Variants in ZFHX3 observed in about 807,000 individuals in gnomAD.
ZFHX3 encodes the protein zinc finger homeobox protein 3.
In ZFHX3, 42 loss-of-function variants were observed where a neutral mutation model predicts 279.1. The ratio of observed to expected loss-of-function variants is 0.15; its 90% confidence interval spans 0.12 to 0.19. The LOEUF (loss-of-function observed/expected upper bound fraction) is 0.19. ZFHX3 is among the 10% of genes least tolerant of loss of function. The probability of loss-of-function intolerance (pLI) is 1.00; values close to 1 mark genes in which losing one functional copy is unlikely to be tolerated. For missense variants in ZFHX3, 4,981 were observed against 4,754.0 expected, an observed-to-expected ratio of 1.05 and a Z score of -1.40; for synonymous variants, 2,293 against 1,957.8, an observed-to-expected ratio of 1.17 and a Z score of -4.52.
At position 72,958,683 on chromosome 16, in the gene ZFHX3, T is replaced by C; in HGVS notation, c.1463A>G (p.Asp488Gly). 2 of 1,610,600 alleles carry C rather than the reference T, an allele frequency of 1.2e-6. No homozygotes were observed. Among genetic ancestry groups the C allele is most frequent in the Non-Finnish European group, 1.7e-6 (2 of 1,178,004 alleles). ...EEEEEEEEEE[D>G]EGCKGLFPSE... is the part of the protein sequence containing the mutation. ...TGGAAAGAGTCCTTTGCAACCCTCG[T>C]CTTCCTCCTCCTCTTCTTCCTCCTC... Residue 488 changes from aspartate to glycine, a missense_variant, in exon 2 of 10, where the codon GAC (aspartate) becomes GGC (glycine). Transcript: ENST00000268489.
intron 3 of ZFHX3, among the ~76,000 whole-genome samples, chr16:72,922,474 G>A (rs2039608692): frequency 1.3e-5 from 2 of 152,118 alleles, no homozygotes; most frequent in South Asian, 4.2e-4. Context: ...GCAATGAAGA[G>A]GACAAATCCT....
intron 5 of ZFHX3, among the ~76,000 whole-genome samples, chr16:73,176,547 T>A (rs1000989286): frequency 6.6e-6 from 1 of 152,082 alleles, no homozygotes. Context: ...AATACCAAGA[T>A]GGAAAATGCC....
chr16:73,457,910 C>T (rs1249144064), intron 2 of ZFHX3, among the ~76,000 whole-genome samples: 1 of 152,210 alleles, frequency 6.6e-6, no homozygotes, highest in East Asian at 1.9e-4. Context: ...CTTTCCATCC[C>T]AACTTCCTTC....
intron 1 of ZFHX3, 34 bp from the exon 2 acceptor site, chr16:72,960,228 G>C (rs1336865563): frequency 4.8e-6 from 7 of 1,462,154 alleles, no homozygotes; most frequent in Admixed American, 2.3e-5. Flanking sequence ...AGGAGGGAGA[G>C]AGGGGAAAGA....
rs550736136 is a variant in ZFHX3, at chr16:73,014,829, C to T, written c.-50+32923G>A. Among the ~76,000 whole-genome samples the T allele has an allele frequency of 8.8e-4, 133 of 151,804 alleles. 1 individual carries two copies. In the Middle Eastern group the frequency reaches 0.01, roughly 12 times the overall value. On this transcript the variant is annotated intron_variant, in intron 1 of 9. Coordinates refer to ENST00000268489, the MANE Select transcript of ZFHX3 (RefSeq NM_006885.4). Reference sequence around the variant, plus strand: ...GTCCGGCCTATGTGGTAACTTCTTACGGCATCAAGAGGAAACTAGTATAGC... The same window carrying T: ...GTCCGGCCTATGTGGTAACTTCTTATGGCATCAAGAGGAAACTAGTATAGC...
At chr16:72,966,610 G>A (rs1402079575) in intron 1 of ZFHX3, among the ~76,000 whole-genome samples, 1 of 152,190 alleles carries the variant, frequency 6.6e-6, no homozygotes, top group Non-Finnish European at 1.5e-5. Flanking sequence ...AATCTCCTAA[G>A]AGAGATACCA....
Position 73,296,588 on chromosome 16 carries a change from T to C in ZFHX3, c.-1194+21652A>G, listed in dbSNP as rs75031880. On this transcript the variant is annotated intron_variant, in intron 4 of 17. Transcript: ENST00000641206. ...ACAATTCCGTTAATGGCTTCCTTCT[T>C]GCTTTTCACTCCTCTATTCCCCAAT... Among the ~76,000 whole-genome samples the C allele has an allele frequency of 7.3e-3, 1,114 of 152,354 alleles. 13 individuals are homozygous for C. The highest frequency in any genetic ancestry group is 0.01 in the Middle Eastern group (3 of 294).
intron 3 of ZFHX3, among the ~76,000 whole-genome samples, chr16:73,335,918 G>A (rs980475261): frequency 3.9e-5 from 6 of 152,182 alleles, no homozygotes; most frequent in African/African-American, 1.4e-4. Flanking sequence ...CCCTCACCGT[G>A]TCTTGAAATG....
chr16:73,358,269 T>G (rs2016377955), intron 3 of ZFHX3, among the ~76,000 whole-genome samples: 1 of 152,230 alleles, frequency 6.6e-6, no homozygotes, highest in African/African-American at 2.4e-5. Context: ...CCACTTCTAA[T>G]GGATAGAATA....
chr16:73,784,129 G>GA (rs200234042), intron 1 of ZFHX3, among the ~76,000 whole-genome samples: 3,020 of 149,292 alleles, frequency 0.02, 106 homozygotes, highest in African/African-American at 0.07. Context: ...GCAAAAAAAA[G>GA]AAAAAAAAAG....
intron 2 of ZFHX3, among the ~76,000 whole-genome samples, chr16:73,663,780 A>G (rs1432277932): frequency 6.6e-6 from 1 of 152,186 alleles, no homozygotes. Flanking sequence ...CAAAACCAAG[A>G]TGGGTAGTGC....
At chr16:73,669,082 T>A (rs1020192445) in intron 2 of ZFHX3, among the ~76,000 whole-genome samples, 1 of 151,972 alleles carries the variant, frequency 6.6e-6, no homozygotes, top group African/African-American at 2.4e-5. Context: ...TATTTTTTTT[T>A]AAGCTCTGTC....
At chr16:73,755,958 T>A (rs896011411) in intron 1 of ZFHX3, among the ~76,000 whole-genome samples, 1 of 152,144 alleles carries the variant, frequency 6.6e-6, no homozygotes. Flanking sequence ...TGGGTCCTGA[T>A]AGCACATGCC....
At position 72,786,308 on chromosome 16, in the gene ZFHX3, T is replaced by TCAA. The variant is rs1256718653; in HGVS notation, c.*853_*855dup. On this transcript the variant is annotated 3_prime_UTR_variant, in exon 10 of 10. Coordinates refer to ENST00000268489, the MANE Select transcript of ZFHX3 (RefSeq NM_006885.4). ...GTTCATTTCCAATGCAACAATCTACTCAACACCAAAAATGGTCATATCTAT... is the reference window on the plus strand; with the variant it reads ...GTTCATTTCCAATGCAACAATCTACTCAACAACACCAAAAATGGTCATATCTAT... 2 of 151,242 alleles carry TCAA rather than the reference T, an allele frequency of 1.3e-5. No individual in the cohort carries two copies. Among genetic ancestry groups the TCAA allele is most frequent in the Non-Finnish European group, 3.0e-5 (2 of 67,740 alleles). 9.4% of individuals were successfully genotyped at this position (151,242 alleles called of 1,614,324 possible).
At chr16:72,824,835 G>A (rs980060522) in intron 5 of ZFHX3, among the ~76,000 whole-genome samples, 6 of 152,174 alleles carry the variant, frequency 3.9e-5, no homozygotes, top group Admixed American at 6.5e-5. Flanking sequence ...CTCTTCATTC[G>A]AGAATACACA....
At chr16:73,697,265 A>C (rs1254636614) in intron 1 of ZFHX3, among the ~76,000 whole-genome samples, 1 of 151,478 alleles carries the variant, frequency 6.6e-6, no homozygotes, top group African/African-American at 2.4e-5. Flanking sequence ...AGTAGAGATC[A>C]TGTGAGTGTC....
chr16:73,741,863 G>A (rs550632464), intron 1 of ZFHX3, among the ~76,000 whole-genome samples: 1 of 152,190 alleles, frequency 6.6e-6, no homozygotes, highest in African/African-American at 2.4e-5. Flanking sequence ...ACAGAATGTA[G>A]TCTTACACAT....
intron 3 of ZFHX3, among the ~76,000 whole-genome samples, chr16:73,385,381 C>T (rs2016881852): frequency 6.6e-6 from 1 of 152,146 alleles, no homozygotes; most frequent in Non-Finnish European, 1.5e-5. Flanking sequence ...GGCACATCTG[C>T]AGGAGGAGCA....
chr16:73,679,411 T>G (rs1201251997), intron 2 of ZFHX3: 2 of 152,208 alleles, frequency 1.3e-5, no homozygotes, highest in Admixed American at 1.3e-4. Context: ...AAGCATTTTG[T>G]GAACACTTTC....
Sources: allele counts gnomAD v4.1 joint callset (sites outside exome capture counted in the v4.1 genomes callset), GRCh38; gene constraint gnomAD v4.1.1; transcripts MANE v1.5; gene names NCBI Gene and HGNC (gene_info 2026-07-23, HGNC 2026-07-21).